Variants in SEC14L3 observed in about 807,000 individuals in gnomAD.
SEC14L3 encodes SEC14-like protein 3.
A neutral mutation model predicts 57.4 loss-of-function variants in SEC14L3; 56 were observed. The observed-to-expected ratio is 0.97, with a 90% CI of 0.79 to 1.22. The LOEUF is 1.22. SEC14L3 is among the 50% of genes most tolerant of loss of function. The pLI, the probability that SEC14L3 is intolerant of heterozygous loss-of-function variation, is 0.00. For missense variants in SEC14L3, 485 were observed against 511.7 expected (o/e 0.95, Z 0.50); for synonymous variants, 173 against 194.4 (o/e 0.89, Z 0.92).
intron 4 of SEC14L3, chr22:30,469,011 C>G: frequency 7.3e-7 from 1 of 1,374,318 alleles, no homozygotes; most frequent in Non-Finnish European, 9.5e-7. Flanking sequence ...TGAAGGTTAA[C>G]AGAGCTGGTT....
chr22:30,450,537 A>C (rs1601806167), intron 12 of SEC14L3, among the ~76,000 whole-genome samples: 1 of 152,134 alleles, frequency 6.6e-6, no homozygotes, highest in Non-Finnish European at 1.5e-5. Flanking sequence ...TCCTGACCTC[A>C]AGTGATCTAC....
At chr22:30,458,892 C>G (rs1428800324), downstream of SEC14L3, among the ~76,000 whole-genome samples, 1 of 152,144 alleles carries the variant, frequency 6.6e-6, no homozygotes, top group Non-Finnish European at 1.5e-5. Flanking sequence ...GTAGTCCCAG[C>G]TACTCAGGAG....
intron 3 of SEC14L3, 26 bp from the exon 4 acceptor site, chr22:30,470,104 C>T: frequency 6.2e-7 from 1 of 1,607,148 alleles, no homozygotes; most frequent in Non-Finnish European, 8.5e-7. Context: ...GTGGTAAGAT[C>T]CCACTGGGCT....
chr22:30,471,413 C>T (rs1935607392), intron 1 of SEC14L3: 1 of 387,218 alleles, frequency 2.6e-6, no homozygotes, highest in African/African-American at 2.1e-5. Context: ...ATCCCATCTT[C>T]TATTAAAACA....
At chr22:30,461,268 C>G (rs367575135) in intron 11 of SEC14L3, 42 bp downstream of exon 11, 1 of 1,543,704 alleles carries the variant, frequency 6.5e-7, no homozygotes, top group Non-Finnish European at 8.7e-7. Context: ...GGACAGGTGG[C>G]TCTAGCCTTT....
chr22:30,470,558 G>A lies in SEC14L3; in HGVS notation c.79C>T (p.Leu27Phe). Residue 27 changes from leucine to phenylalanine, a missense_variant, in exon 2 of 12, where the codon CTT (leucine) becomes TTT (phenylalanine). Coordinates refer to ENST00000215812, the MANE Select transcript of SEC14L3 (RefSeq NM_174975.5). Reference sequence around the variant, plus strand: ...TCATCAGGGTTGGGCAGGGCAGGAAGCACATCCTGGACGTTTTCTCGGAAC... The same window carrying A: ...TCATCAGGGTTGGGCAGGGCAGGAAACACATCCTGGACGTTTTCTCGGAAC... Reference protein sequence around the residue: ...AKFRENVQDVLPALPNPDDYF... With the variant: ...AKFRENVQDVFPALPNPDDYF... 6.2e-7 allele frequency: 1 copy of A among 1,614,226 alleles called. No individual in the cohort carries two copies. The highest frequency in any genetic ancestry group is 1.1e-5 in the South Asian group (1 of 91,084).
chr22:30,453,966 C>T (rs377602711), intron 12 of SEC14L3, among the ~76,000 whole-genome samples: 5 of 152,144 alleles, frequency 3.3e-5, no homozygotes, highest in Non-Finnish European at 2.9e-5. Context: ...TCTCCTCCCC[C>T]CAACTGCTGT....
chr22:30,461,090 T>C (rs5749103), intron 11 of SEC14L3, among the ~76,000 whole-genome samples: 107,216 of 152,120 alleles, frequency 0.7, 38,780 homozygotes, highest in African/African-American at 0.86. Flanking sequence ...GGTCCAGGTG[T>C]CCCCAATTCC....
At chr22:30,456,619 C>T (rs973034994), downstream of SEC14L3, among the ~76,000 whole-genome samples, 5 of 152,102 alleles carry the variant, frequency 3.3e-5, no homozygotes, top group African/African-American at 9.7e-5. Flanking sequence ...AAGGATCTAC[C>T]GCCATGACCC....
rs1935581419 is a variant in SEC14L3 at position 30,470,774 on chromosome 22, T to C, written c.55-192A>G. 1.1e-5 allele frequency: 9 copies of C among 834,518 alleles called. No individual in the cohort carries two copies. The South Asian group carries it at 3.8e-4, about 35-fold the overall frequency. The allele number at this position is 834,518 out of a possible 1,614,324, so 51.7% of individuals were successfully genotyped here. A position where few individuals can be genotyped will look rare whatever the true frequency, so the allele number is the denominator to read the frequency against. On this transcript the variant is annotated intron_variant, in intron 1 of 11. Transcript: ENST00000215812. Reference sequence around the variant, plus strand: ...GGTGGATGAATGGAAGGAGGATAGATGGATGAATAAATGGTTAGAAAGAAG... The same window carrying C: ...GGTGGATGAATGGAAGGAGGATAGACGGATGAATAAATGGTTAGAAAGAAG...
At chr22:30,458,476 T>G (rs1204425484), downstream of SEC14L3, among the ~76,000 whole-genome samples, 1 of 152,212 alleles carries the variant, frequency 6.6e-6, no homozygotes, top group Non-Finnish European at 1.5e-5. Flanking sequence ...ACACTTCTAC[T>G]GGAAGGTCTA....
In SEC14L3 at chr22:30,468,536, A is replaced by C. The variant is rs776060520; in HGVS notation, c.395T>G (p.Leu132Arg). 7.4e-6 allele frequency: 12 copies of C among 1,613,682 alleles called. No homozygotes were observed. Among genetic ancestry groups the C allele is most frequent in the Middle Eastern group, 1.6e-4 (1 of 6,084 alleles). ...KTKMRDCERI[L>R]HECDLQTERL... is the part of the protein sequence containing the mutation. ...CTCTGTCTGCAGGTCACACTCATGC[A>C]GGATGCGCTCACAGTCCCTCATCTT... The change falls in exon 5 of 12, where the codon CTG becomes CGG. Residue 132 changes from leucine to arginine, a missense_variant. Transcript: ENST00000215812.
intron 12 of SEC14L3, among the ~76,000 whole-genome samples, chr22:30,450,080 C>T (rs1934952285): frequency 6.6e-6 from 1 of 152,036 alleles, no homozygotes; most frequent in African/African-American, 2.4e-5. Flanking sequence ...GTCCCACTGC[C>T]CTTTCTGGTC....
At chr22:30,467,280 C>CATCT in intron 5 of SEC14L3, 1 of 269,428 alleles carries the variant, frequency 3.7e-6, no homozygotes, top group Non-Finnish European at 5.7e-6. Flanking sequence ...TCCATCCATC[C>CATCT]ATCTATCCAA....
chr22:30,468,005 G>C (rs1247588798), intron 5 of SEC14L3, among the ~76,000 whole-genome samples: 1 of 152,202 alleles, frequency 6.6e-6, no homozygotes, highest in Non-Finnish European at 1.5e-5. Context: ...TCCCGGCCTG[G>C]TACGGTGGCT....
At position 30,471,961 on chromosome 22, in the gene SEC14L3, T is replaced by G. The variant is rs768036960; in HGVS notation, c.-3A>C. The G allele has an allele frequency of 3.7e-6, 6 of 1,605,886 alleles. No homozygotes were observed. In the African/African-American group the frequency reaches 8.1e-5, roughly 22 times the overall value. ...AGGTCTCCAACTCGGCCGCTCATGG[T>G]GCTGGCTGGGGCTTGAGGAGTGGTG... On this transcript the variant is annotated 5_prime_UTR_variant, in exon 1 of 12. Transcript: ENST00000215812.
chr22:30,451,784 G>A (rs1161751217), intron 12 of SEC14L3, among the ~76,000 whole-genome samples: 1 of 152,002 alleles, frequency 6.6e-6, no homozygotes, highest in East Asian at 1.9e-4. Context: ...GAGGCCAGGA[G>A]TTCGAGACCA....
chr22:30,464,947 T>C lies in SEC14L3; in HGVS notation c.581-44A>G, dbSNP rs112705328. 3.1e-3 allele frequency: 4,987 copies of C among 1,613,154 alleles called. 54 individuals carry two copies. Among genetic ancestry groups the C allele is most frequent in the African/African-American group, 0.031 (2,303 of 74,986 alleles). On this transcript the variant is annotated intron_variant, in intron 7 of 11. Transcript: ENST00000215812. ...GGATAATGGGAAGAAAAGAATTACA[T>C]TGGGCAACCCCCTCCATAATGGTTA...
chr22:30,470,148 G>C (rs941933206), intron 3 of SEC14L3, 64 bp downstream of exon 3: 31 of 1,612,440 alleles, frequency 1.9e-5, no homozygotes, highest in Non-Finnish European at 2.6e-5. Context: ...GGAAGGAGGG[G>C]CTTGAGGCAT....
Sources: gnomAD v4.1 joint callset for allele counts (sites outside exome capture counted in the v4.1 genomes callset) on GRCh38, gnomAD v4.1.1 for gene constraint, MANE v1.5 for transcripts, NCBI Gene and HGNC (gene_info 2026-07-23, HGNC 2026-07-21) for gene names.